Variants in RORA observed in about 807,000 individuals in gnomAD.
RORA encodes the protein RAR related orphan receptor A, also known as nuclear receptor ROR-alpha.
In RORA, 7 loss-of-function variants were observed where a neutral mutation model predicts 69.5. The ratio of observed to expected loss-of-function variants is 0.10; its 90% CI spans 0.06 to 0.19. RORA has a LOEUF of 0.19. Among genes scored for constraint, RORA ranks in the 10% least tolerant of loss-of-function variants. The pLI, the probability that RORA is intolerant of heterozygous loss-of-function variation, is 1.00. For missense variants in RORA, 457 were observed against 663.0 expected, an observed-to-expected ratio of 0.69 and a Z score of 3.41; for synonymous variants, 261 against 240.8, an observed-to-expected ratio of 1.08 and a Z score of -0.78.
chr15:60,815,964 ATGTATT>A lies in RORA; in HGVS notation c.167-137284_167-137279del, dbSNP rs1310523210. Among the ~76,000 whole-genome samples the A allele has an allele frequency of 3.2e-3, 425 of 134,854 alleles. 2 individuals are homozygous for A. The highest frequency in any genetic ancestry group is 7.8e-3 in the East Asian group (35 of 4,508). The allele number at this position is 134,854 out of a possible 152,430, so 88.5% of individuals were successfully genotyped here. On this transcript the variant is annotated intron_variant, in intron 1 of 10. Transcript: ENST00000335670. ...AGTGTATATATACTATAAATAGTAT[ATGTATT>A]TATTTACTATAAATAGTATATATAT...
chr15:60,901,110 G>A (rs190349897), intron 1 of RORA, among the ~76,000 whole-genome samples: 34 of 152,170 alleles, frequency 2.2e-4, no homozygotes, highest in African/African-American at 7.2e-4. Context: ...ACTCAGTAAT[G>A]GACATTGATC....
At chr15:61,212,351 C>CA (rs2080000888) in intron 1 of RORA, among the ~76,000 whole-genome samples, 2 of 152,138 alleles carry the variant, frequency 1.3e-5, no homozygotes, top group South Asian at 4.1e-4. Flanking sequence ...CCCGAAACAG[C>CA]AAAGGGTCTA....
intron 1 of RORA, among the ~76,000 whole-genome samples, chr15:61,037,299 T>C (rs1182950410): frequency 6.6e-6 from 1 of 152,210 alleles, no homozygotes; most frequent in East Asian, 1.9e-4. Flanking sequence ...TGAGCCAAAT[T>C]TGGGTAGAGG....
chr15:61,193,528 C>A (rs1265869227), intron 1 of RORA, among the ~76,000 whole-genome samples: 1 of 152,146 alleles, frequency 6.6e-6, no homozygotes, highest in Non-Finnish European at 1.5e-5. Flanking sequence ...GGATCCAGCC[C>A]TTCCTGAAGT....
At chr15:60,883,919 C>T (rs8039990) in intron 1 of RORA, among the ~76,000 whole-genome samples, 95,389 of 152,024 alleles carry the variant, frequency 0.63, 30,449 homozygotes, top group Non-Finnish European at 0.68. Context: ...AGCCAATTGA[C>T]GGCCAGCACT....
intron 1 of RORA, among the ~76,000 whole-genome samples, chr15:61,085,968 G>C (rs1323945872): frequency 6.6e-6 from 1 of 152,226 alleles, no homozygotes; most frequent in Non-Finnish European, 1.5e-5. Flanking sequence ...TGCCTAGGTT[G>C]CTATGCTGGG....
chr15:60,865,140 A>G (rs2073473909), intron 1 of RORA, among the ~76,000 whole-genome samples: 1 of 152,222 alleles, frequency 6.6e-6, no homozygotes, highest in African/African-American at 2.4e-5. Flanking sequence ...GGGATGAGGT[A>G]GAAAGAGAAA....
intron 1 of RORA, among the ~76,000 whole-genome samples, chr15:60,855,258 T>G (rs11632089): frequency 0.87 from 132,920 of 152,186 alleles, 58,732 homozygotes; most frequent in East Asian, 0.99. Flanking sequence ...GCAAACTAGA[T>G]GGAGAGACAC....
intron 1 of RORA, among the ~76,000 whole-genome samples, chr15:61,210,527 C>A (rs573455923): frequency 1.2e-3 from 180 of 152,286 alleles, no homozygotes; most frequent in Non-Finnish European, 2.0e-3. Flanking sequence ...TCTAACTTAT[C>A]AAATCCTATA....
chr15:60,637,758 TG>T (rs2069867132), intron 2 of RORA, among the ~76,000 whole-genome samples: 1 of 152,200 alleles, frequency 6.6e-6, no homozygotes, highest in Non-Finnish European at 1.5e-5. Context: ...AGCACTTTAC[TG>T]ATCTCTTTGC....
intron 1 of RORA, among the ~76,000 whole-genome samples, chr15:61,199,944 G>C (rs1447011409): frequency 1.3e-5 from 2 of 152,186 alleles, no homozygotes; most frequent in African/African-American, 4.8e-5. Context: ...AGAAAGGCCT[G>C]GGACAGGTGA....
At chr15:60,585,559 G>A (rs1457234868) in intron 2 of RORA, among the ~76,000 whole-genome samples, 1 of 152,042 alleles carries the variant, frequency 6.6e-6, no homozygotes, top group Non-Finnish European at 1.5e-5. Context: ...AAGGGGAAAC[G>A]CTGAATTTAG....
At chr15:61,035,177 C>T (rs1896393088) in intron 1 of RORA, among the ~76,000 whole-genome samples, 1 of 152,050 alleles carries the variant, frequency 6.6e-6, no homozygotes, top group African/African-American at 2.4e-5. Flanking sequence ...CCTTCCAGCC[C>T]ATAATAGAAG....
intron 2 of RORA, among the ~76,000 whole-genome samples, chr15:60,673,290 C>T (rs944678967): frequency 1.3e-5 from 2 of 152,180 alleles, no homozygotes; most frequent in Admixed American, 1.3e-4. Context: ...AAATCTTCTA[C>T]TTTGGAAGAA....
chr15:60,909,493 A>G (rs1891639335), intron 1 of RORA, among the ~76,000 whole-genome samples: 2 of 152,206 alleles, frequency 1.3e-5, no homozygotes, highest in Non-Finnish European at 2.9e-5. Context: ...CCTTTATCGA[A>G]CGATTGAACC....
At chr15:60,529,606 A>C (rs2066469366) in intron 3 of RORA, 1 of 152,260 alleles carries the variant, frequency 6.6e-6, no homozygotes, top group Non-Finnish European at 1.5e-5. Context: ...GGAGGTATGC[A>C]GACAAGATCT....
At chr15:61,117,458 A>C (rs1472265182) in intron 1 of RORA, among the ~76,000 whole-genome samples, 3 of 152,182 alleles carry the variant, frequency 2.0e-5, no homozygotes, top group African/African-American at 7.2e-5. Flanking sequence ...ATTAGTATTA[A>C]TATAACATGC....
intron 1 of RORA, among the ~76,000 whole-genome samples, chr15:60,963,932 T>C (rs1893481904): frequency 6.6e-6 from 1 of 152,242 alleles, no homozygotes; most frequent in South Asian, 2.1e-4. Flanking sequence ...TTATTCCTTA[T>C]GTCTAACTTA....
intron 1 of RORA, among the ~76,000 whole-genome samples, chr15:61,183,533 CAA>C (rs11392772): frequency 6.1e-5 from 8 of 130,654 alleles, no homozygotes; most frequent in East Asian, 2.2e-4. Context: ...GAGACTGTTT[CAA>C]AAAAAAAAAA....
Sources: gnomAD v4.1 joint callset for allele counts (sites outside exome capture counted in the v4.1 genomes callset) on GRCh38, gnomAD v4.1.1 for gene constraint, MANE v1.5 for transcripts, NCBI Gene and HGNC (gene_info 2026-07-23, HGNC 2026-07-21) for gene names.